The following ANGPT1 variants were observed in gnomAD, a reference collection of about 807,000 sequenced individuals.
The protein encoded by ANGPT1 is angiopoietin-1.
ANGPT1 carries 17 observed loss-of-function variants against 62.2 expected under a neutral mutation model. That is an observed-to-expected ratio of 0.27 (90% CI 0.19 to 0.41). ANGPT1 has a LOEUF of 0.41. Among genes scored for constraint, ANGPT1 ranks in the 10% least tolerant of loss-of-function variants. ANGPT1 has a pLI of 1.00. For missense variants in ANGPT1, 478 were observed against 594.9 expected (o/e 0.80, Z 2.04); for synonymous variants, 199 against 198.9 (o/e 1.00, Z 0.00).
rs531324237 is a variant in ANGPT1 at position 107,285,522 on chromosome 8, G to A, written c.1039-674C>T. Among the ~76,000 whole-genome samples the A allele has an allele frequency of 6.6e-5, 10 of 152,168 alleles. No individual in the cohort carries two copies. In the South Asian group the frequency reaches 1.9e-3, roughly 28 times the overall value. ...GCTGCACTGGCATTGGAATTTTGAG[G>A]CAGAAGGCTGATTTGTAAGTGCTCC... On this transcript the variant is annotated intron_variant, in intron 6 of 8. Transcript: ENST00000517746.
chr8:107,447,891 G>C (rs1350178130), intron 1 of ANGPT1, among the ~76,000 whole-genome samples: 1 of 152,194 alleles, frequency 6.6e-6, no homozygotes, highest in Non-Finnish European at 1.5e-5. Flanking sequence ...CAAAGGATTT[G>C]AGCAAGGGAT....
intron 1 of ANGPT1, among the ~76,000 whole-genome samples, chr8:107,438,381 A>G (rs1811391692): frequency 1.3e-5 from 2 of 151,876 alleles, no homozygotes; most frequent in Non-Finnish European, 2.9e-5. Context: ...TTCCAGTGAT[A>G]TTTCCTGATA....
chr8:107,274,394 G>GTTA (rs1384790679), intron 7 of ANGPT1, among the ~76,000 whole-genome samples: 1 of 152,116 alleles, frequency 6.6e-6, no homozygotes, highest in Non-Finnish European at 1.5e-5. Flanking sequence ...TTTTAGTAAA[G>GTTA]TTATGTAGGT....
At chr8:107,307,848 T>C (rs1205625638) in intron 4 of ANGPT1, among the ~76,000 whole-genome samples, 1 of 152,204 alleles carries the variant, frequency 6.6e-6, no homozygotes, top group Non-Finnish European at 1.5e-5. Context: ...ATATATCTAC[T>C]TGCCTGTTGG....
chr8:107,411,026 G>C (rs1455399402), intron 1 of ANGPT1, among the ~76,000 whole-genome samples: 2 of 152,012 alleles, frequency 1.3e-5, no homozygotes, highest in African/African-American at 4.8e-5. Flanking sequence ...CTGTGGATTT[G>C]AACAAAATCA....
At chr8:107,304,196 A>C (rs1371685156) in intron 4 of ANGPT1, among the ~76,000 whole-genome samples, 1 of 151,758 alleles carries the variant, frequency 6.6e-6, no homozygotes, top group African/African-American at 2.4e-5. Flanking sequence ...GACTGTCTCT[A>C]CTGAGGAAAA....
At chr8:107,357,346 T>C (rs1339117941) in intron 1 of ANGPT1, among the ~76,000 whole-genome samples, 1 of 152,220 alleles carries the variant, frequency 6.6e-6, no homozygotes, top group East Asian at 1.9e-4. Flanking sequence ...GGATCTTTTT[T>C]TAACTAAACA....
intron 3 of ANGPT1, among the ~76,000 whole-genome samples, chr8:107,326,166 A>C (rs1364733091): frequency 6.6e-6 from 1 of 152,154 alleles, no homozygotes; most frequent in East Asian, 1.9e-4. Context: ...TGTAATGTGA[A>C]AAAGAGACTG....
chr8:107,294,906 A>G (rs1224598763), intron 5 of ANGPT1: 1 of 152,176 alleles, frequency 6.6e-6, no homozygotes, highest in African/African-American at 2.4e-5. Context: ...AACGGGGACT[A>G]TGGGAAACAC....
At chr8:107,335,093 TA>T (rs1815528947) in intron 3 of ANGPT1, among the ~76,000 whole-genome samples, 1 of 152,228 alleles carries the variant, frequency 6.6e-6, no homozygotes, top group South Asian at 2.1e-4. Flanking sequence ...TTGTAGATAA[TA>T]TGAAGAGGCC....
chr8:107,274,809 G>A (rs749281624), intron 7 of ANGPT1, among the ~76,000 whole-genome samples: 2 of 152,044 alleles, frequency 1.3e-5, no homozygotes, highest in South Asian at 4.2e-4. Flanking sequence ...TTGTCAATAT[G>A]TCTTTTATAT....
At chr8:107,300,962 G>A (rs142050693) in intron 5 of ANGPT1, among the ~76,000 whole-genome samples, 55 of 151,982 alleles carry the variant, frequency 3.6e-4, no homozygotes, top group Middle Eastern at 3.4e-3. Flanking sequence ...ATTATGAATT[G>A]AGGTGGGATC....
chr8:107,490,303 G>T (rs1265827264), intron 1 of ANGPT1, among the ~76,000 whole-genome samples: 1 of 152,220 alleles, frequency 6.6e-6, no homozygotes, highest in Non-Finnish European at 1.5e-5. Flanking sequence ...ACATAGCACA[G>T]AAGATCCTGT....
chr8:107,440,381 T>C (rs1359459124), intron 1 of ANGPT1, among the ~76,000 whole-genome samples: 1 of 152,202 alleles, frequency 6.6e-6, no homozygotes, highest in African/African-American at 2.4e-5. Flanking sequence ...AAAATTCTGA[T>C]CCAATTTCTT....
chr8:107,410,456 G>A (rs1051889232), intron 1 of ANGPT1, among the ~76,000 whole-genome samples: 1 of 152,058 alleles, frequency 6.6e-6, no homozygotes, highest in Non-Finnish European at 1.5e-5. Flanking sequence ...CCTACAGTCC[G>A]CAGGTGACCT....
chr8:107,378,693 T>C (rs1816576914), intron 1 of ANGPT1, among the ~76,000 whole-genome samples: 1 of 151,978 alleles, frequency 6.6e-6, no homozygotes, highest in African/African-American at 2.4e-5. Context: ...TCTTGCGAGA[T>C]CTGATGGTTT....
intron 1 of ANGPT1, among the ~76,000 whole-genome samples, chr8:107,401,841 A>C (rs905942864): frequency 6.6e-6 from 1 of 152,232 alleles, no homozygotes; most frequent in South Asian, 2.1e-4. Context: ...CTCTAAAAAA[A>C]TCAGTGTGTA....
At chr8:107,314,985 A>C (rs1814980269) in intron 4 of ANGPT1, among the ~76,000 whole-genome samples, 1 of 152,202 alleles carries the variant, frequency 6.6e-6, no homozygotes, top group South Asian at 2.1e-4. Context: ...AACAGACACA[A>C]CATGGGAGGT....
intron 4 of ANGPT1, among the ~76,000 whole-genome samples, chr8:107,317,634 A>AT (rs34242211): frequency 3.7e-5 from 5 of 134,146 alleles, no homozygotes; most frequent in East Asian, 2.1e-4. Flanking sequence ...TTTTATTTTT[A>AT]TTTTTTTTTT....
Sources: gnomAD v4.1 joint callset for allele counts (sites outside exome capture counted in the v4.1 genomes callset) on GRCh38, gnomAD v4.1.1 for gene constraint, MANE v1.5 for transcripts, NCBI Gene and HGNC (gene_info 2026-07-23, HGNC 2026-07-21) for gene names.